Variants in RFC5 observed in about 807,000 individuals in gnomAD.
RFC5 encodes the protein replication factor C subunit 5.
RFC5 carries 26 observed loss-of-function variants against 44.3 expected under a neutral mutation model. The observed-to-expected ratio is 0.59, with a 90% CI of 0.43 to 0.81. RFC5 has a LOEUF of 0.81. Among genes scored for constraint, RFC5 ranks in the 40% least tolerant of loss-of-function variants. RFC5 has a pLI of 0.00. For synonymous variants in RFC5, 155 were observed against 155.2 expected (o/e 1.00, Z 0.01); for missense variants, 328 against 418.6 (o/e 0.78, Z 1.89).
At chr12:118,017,882 G>C (rs2030205821) in intron 1 of RFC5, 1 of 666,120 alleles carries the variant, frequency 1.5e-6, no homozygotes, top group Admixed American at 2.1e-5. Flanking sequence ...AGTACATTCA[G>C]AATGCAGTGT....
At position 118,029,762 on chromosome 12, in the gene RFC5, T is replaced by A; in HGVS notation, c.872-9T>A. 2 of 1,599,018 alleles carry A rather than the reference T, an allele frequency of 1.3e-6. No individual in the cohort carries two copies. The highest frequency in any genetic ancestry group is 2.2e-5 in the South Asian group (2 of 90,760). On this transcript the variant is annotated splice_polypyrimidine_tract_variant and intron_variant, in intron 9 of 10. Coordinates refer to ENST00000454402, the MANE Select transcript of RFC5 (RefSeq NM_007370.7). ...TGACCTAACTCATTTGATTTTGTTTTTCCCTCAGTTGACTTTCCATCTTCA... is the reference window on the plus strand; with the variant it reads ...TGACCTAACTCATTTGATTTTGTTTATCCCTCAGTTGACTTTCCATCTTCA...
the RFC5 span, among the ~76,000 whole-genome samples, chr12:118,040,363 T>G: frequency 6.6e-6 from 1 of 152,156 alleles, no homozygotes; most frequent in Admixed American, 6.5e-5. Context: ...TCACTCTCAC[T>G]TGGTCTTTCC....
At chr12:118,029,587 G>A (rs913300332) in intron 9 of RFC5, among the ~76,000 whole-genome samples, 184 bp from the exon 10 acceptor site, 1 of 152,110 alleles carries the variant, frequency 6.6e-6, no homozygotes, top group Non-Finnish European at 1.5e-5. Context: ...GCACAAAATC[G>A]AGTGGGTAAA....
At chr12:118,038,426 A>C in the RFC5 span, 1 of 1,595,142 alleles carries the variant, frequency 6.3e-7, no homozygotes, top group African/African-American at 1.3e-5. Flanking sequence ...GCCAGTCCTC[A>C]ACAAAGCAGG....
chr12:118,038,443 G>A, the RFC5 span: 5 of 1,531,866 alleles, frequency 3.3e-6, no homozygotes, highest in East Asian at 2.3e-5. Flanking sequence ...CAGGAAGACT[G>A]GAGAACGGGA....
chr12:118,024,350 AAAAG>A (rs2030784401), intron 5 of RFC5, among the ~76,000 whole-genome samples: 1 of 151,790 alleles, frequency 6.6e-6, no homozygotes, highest in Non-Finnish European at 1.5e-5. Context: ...CAAAAAAGAA[AAAAG>A]AGGAGTGGCT....
chr12:118,031,119 C>T (rs1410630806), intron 10 of RFC5, 63 bp from the exon 11 acceptor site: 2 of 1,143,666 alleles, frequency 1.7e-6, no homozygotes, highest in Non-Finnish European at 2.6e-6. Context: ...ATCTCTTGGT[C>T]CCTTAAGAAA....
At chr12:118,037,262 C>A (rs184670959), downstream of RFC5, among the ~76,000 whole-genome samples, 2 of 152,364 alleles carry the variant, frequency 1.3e-5, no homozygotes, top group Non-Finnish European at 2.9e-5. Context: ...TTACACCCCC[C>A]ACCTTGTGTA....
Position 118,025,736 on chromosome 12 carries a change from A to G in RFC5, c.582-11A>G. ...GGGGCCTCATAAATCCCTTTTGCTT[A>G]TTTCTTTCAGAGTTGATATAAGTGA... On this transcript the variant is annotated splice_polypyrimidine_tract_variant and intron_variant, in intron 6 of 10. Transcript: ENST00000454402. 6.3e-7 allele frequency: 1 copy of G among 1,576,088 alleles called. No homozygotes were observed. Among genetic ancestry groups the G allele is most frequent in the Non-Finnish European group, 8.7e-7 (1 of 1,147,124 alleles).
At chr12:118,034,028 A>G, downstream of RFC5, 1 of 866,406 alleles carries the variant, frequency 1.2e-6, no homozygotes, top group Non-Finnish European at 1.8e-6. Flanking sequence ...TGCCAGGGAG[A>G]GAAAGATCCA....
chr12:118,030,555 C>T (rs1281436056), intron 10 of RFC5, among the ~76,000 whole-genome samples: 2 of 152,148 alleles, frequency 1.3e-5, no homozygotes, highest in African/African-American at 2.4e-5. Flanking sequence ...ATTTTGCCGA[C>T]GAAATAATCC....
At chr12:118,038,889 C>G in the RFC5 span, among the ~76,000 whole-genome samples, 13 of 152,088 alleles carry the variant, frequency 8.5e-5, no homozygotes, top group African/African-American at 3.1e-4. Context: ...CCATATTGGC[C>G]AGGCTGGTCT....
chr12:118,036,209 A>T (rs2031506051), downstream of RFC5: 3 of 1,112,970 alleles, frequency 2.7e-6, no homozygotes, highest in African/African-American at 4.7e-5. Flanking sequence ...CTCAAAAGAG[A>T]CCCACTGTGC....
chr12:118,034,698 C>T, downstream of RFC5: 1 of 502,662 alleles, frequency 2.0e-6, no homozygotes, highest in Non-Finnish European at 3.5e-6. Flanking sequence ...TCTTTTAGCC[C>T]TAAATGGTTT....
chr12:118,024,518 C>T (rs535515493), intron 5 of RFC5, among the ~76,000 whole-genome samples: 4 of 151,958 alleles, frequency 2.6e-5, no homozygotes, highest in Non-Finnish European at 4.4e-5. Context: ...CTCCACCTCC[C>T]GGATTCAAGC....
downstream of RFC5, chr12:118,035,966 A>G: frequency 1.2e-5 from 2 of 168,270 alleles, no homozygotes; most frequent in Non-Finnish European, 1.3e-5. Context: ...AGTTTGGGAG[A>G]CTGAGGCGGT....
chr12:118,037,175 GTC>G (rs921988326), downstream of RFC5, among the ~76,000 whole-genome samples: 3 of 151,154 alleles, frequency 2.0e-5, no homozygotes, highest in Admixed American at 6.6e-5. Context: ...GAGTAAGACT[GTC>G]TCAAATTTTT....
intron 9 of RFC5, 94 bp from the exon 10 acceptor site, chr12:118,029,677 G>A (rs916509079): frequency 2.4e-6 from 2 of 840,646 alleles, no homozygotes; most frequent in South Asian, 2.7e-5. Flanking sequence ...GACTAGTTCA[G>A]TGTTAAGGAT....
intron 1 of RFC5, chr12:118,018,038 A>T (rs867858961): frequency 5.4e-5 from 38 of 701,594 alleles, no homozygotes; most frequent in African/African-American, 5.1e-4. Flanking sequence ...GGATTTGCCT[A>T]TTCTGGACAT....
Sources: gnomAD v4.1 joint callset for allele counts (sites outside exome capture counted in the v4.1 genomes callset) on GRCh38, gnomAD v4.1.1 for gene constraint, MANE v1.5 for transcripts, NCBI Gene and HGNC (gene_info 2026-07-23, HGNC 2026-07-21) for gene names.